CAMTA1: variants seen among roughly 807,000 people sequenced by gnomAD.
CAMTA1 encodes the protein calmodulin-binding transcription activator 1.
Under a neutral mutation model 170.9 loss-of-function variants are expected in CAMTA1, and 27 were observed. That is an observed-to-expected ratio of 0.16 (90% CI 0.12 to 0.22). CAMTA1 has a LOEUF of 0.22. Among genes scored for constraint, CAMTA1 ranks in the 10% least tolerant of loss-of-function variants. The probability of loss-of-function intolerance (pLI) is 1.00; values close to 1 mark genes in which losing one functional copy is unlikely to be tolerated. For synonymous variants in CAMTA1, 833 were observed against 891.5 expected (o/e 0.93, Z 1.17); for missense variants, 1,619 against 2,217.2 (o/e 0.73, Z 5.42).
At chr1:7,348,707 G>A (rs1488228872) in intron 5 of CAMTA1, among the ~76,000 whole-genome samples, 2 of 152,204 alleles carry the variant, frequency 1.3e-5, no homozygotes, top group Non-Finnish European at 1.5e-5. Flanking sequence ...AGCAGCCACA[G>A]GGGGTGTTCG....
intron 5 of CAMTA1, among the ~76,000 whole-genome samples, chr1:7,440,123 T>G (rs116623866): frequency 1.8e-3 from 274 of 152,364 alleles, no homozygotes; most frequent in African/African-American, 6.3e-3. Context: ...ACTGGCCCCG[T>G]GGCATAGGCG....
intron 3 of CAMTA1, among the ~76,000 whole-genome samples, chr1:6,871,140 T>C (rs1668295665): frequency 6.6e-6 from 1 of 152,230 alleles, no homozygotes; most frequent in Non-Finnish European, 1.5e-5. Context: ...CTTGTAGATA[T>C]TCCTCGTGTC....
rs150755762 is a variant in CAMTA1, at chr1:7,232,190, G to A, written c.303-17301G>A. On this transcript the variant is annotated intron_variant, in intron 4 of 22. Coordinates refer to ENST00000303635, the MANE Select transcript of CAMTA1 (RefSeq NM_015215.4). ...GGCCTGTGTGGCTGGGGGACACCAC[G>A]TGGTTGGCCAGCAGATGGAGGGACA... Among the ~76,000 whole-genome samples the A allele has an allele frequency of 3.8e-3, 580 of 152,334 alleles. 5 individuals carry two copies. Among genetic ancestry groups the A allele is most frequent in the African/African-American group, 0.013 (548 of 41,578 alleles).
chr1:6,977,319 T>G (rs1413493732), intron 3 of CAMTA1, among the ~76,000 whole-genome samples: 1 of 151,718 alleles, frequency 6.6e-6, no homozygotes, highest in Admixed American at 6.6e-5. Context: ...TGGAGCCAAG[T>G]ACTGGGCAAA....
Position 7,034,188 on chromosome 1 carries a change from C to T in CAMTA1, c.235-57116C>T, listed in dbSNP as rs373327645. ...TATTTGTTTGTTTGAGACAGAGTCT[C>T]GCTCTGTTGCCCAGGCTGGAGTGCA... On this transcript the variant is annotated intron_variant, in intron 3 of 22. Transcript: ENST00000303635. 1.4e-4 allele frequency among the ~76,000 whole-genome samples: 22 copies of T among 152,172 alleles called. 1 individual carries two copies. In the South Asian group the frequency reaches 1.9e-3, roughly 13 times the overall value.
chr1:7,489,850 C>T (rs182819763), intron 6 of CAMTA1, among the ~76,000 whole-genome samples: 98 of 152,284 alleles, frequency 6.4e-4, no homozygotes, highest in East Asian at 1.7e-3. Context: ...GGGACATGTC[C>T]GTCCCCACTC....
rs568829113 is a variant in CAMTA1 at position 7,632,053 on chromosome 1, G to A, written c.511-8347G>A. Among the ~76,000 whole-genome samples, 34 of 152,200 alleles carry A rather than the reference G, an allele frequency of 2.2e-4. No homozygotes were observed. The East Asian group carries it at 2.3e-3, about 10-fold the overall frequency. ...GCCGCCCAGTGCCGCCCTCTATCCC[G>A]TCCCTAATAAACCCTGCCCTTCTCC... On this transcript the variant is annotated intron_variant, in intron 6 of 22. Coordinates refer to ENST00000303635, the MANE Select transcript of CAMTA1 (RefSeq NM_015215.4).
intron 5 of CAMTA1, among the ~76,000 whole-genome samples, chr1:7,268,498 A>G (rs1574321584): frequency 6.6e-6 from 1 of 152,210 alleles, no homozygotes. Context: ...GTTCAAGTTC[A>G]AACTAGTCGG....
At chr1:6,938,708 A>G (rs1685888122) in intron 3 of CAMTA1, among the ~76,000 whole-genome samples, 1 of 152,200 alleles carries the variant, frequency 6.6e-6, no homozygotes, top group African/African-American at 2.4e-5. Flanking sequence ...CACAGCCTCC[A>G]GGAAGCTTGA....
At chr1:7,744,762 G>A (rs544313042) in intron 16 of CAMTA1, 73 bp from the exon 17 acceptor site, 6 of 1,339,020 alleles carry the variant, frequency 4.5e-6, no homozygotes, top group African/African-American at 1.5e-5. Flanking sequence ...TCCAAGGCGA[G>A]GCAGGGAGGT....
intron 6 of CAMTA1, among the ~76,000 whole-genome samples, chr1:7,552,066 A>G (rs927843018): frequency 9.2e-5 from 14 of 152,352 alleles, no homozygotes; most frequent in Admixed American, 4.6e-4. Flanking sequence ...TAGGTCACAC[A>G]GTGGGAGACG....
At chr1:7,418,371 G>GTATTTT (rs778755322) in intron 5 of CAMTA1, among the ~76,000 whole-genome samples, 23 of 152,130 alleles carry the variant, frequency 1.5e-4, no homozygotes, top group Non-Finnish European at 2.8e-4. Flanking sequence ...ACTAATTTTT[G>GTATTTT]TATTTTTAGT....
intron 4 of CAMTA1, among the ~76,000 whole-genome samples, chr1:7,103,495 A>G (rs1408540086): frequency 1.3e-5 from 2 of 150,364 alleles, no homozygotes; most frequent in Non-Finnish European, 3.0e-5. Context: ...ACGTACACAC[A>G]ACACAGATAC....
chr1:7,134,354 G>T (rs1407993277), intron 4 of CAMTA1, among the ~76,000 whole-genome samples: 8 of 152,118 alleles, frequency 5.3e-5, no homozygotes, highest in African/African-American at 1.9e-4. Context: ...GAGTGCAGTG[G>T]TGCAATCATG....
chr1:7,056,279 A>T (rs1321288394), intron 3 of CAMTA1, among the ~76,000 whole-genome samples: 2 of 152,084 alleles, frequency 1.3e-5, no homozygotes, highest in Non-Finnish European at 1.5e-5. Context: ...GCCTCTTTTG[A>T]TGTTTCCTTG....
In CAMTA1 at chr1:7,738,711, G is replaced by A. The variant is rs2150016100; in HGVS notation, c.4182+229G>A. ...TACCAGTGACCCCGGTCTCAGCAAA[G>A]CCTTCCCTCTTTGTACCAACTTCTC... On this transcript the variant is annotated intron_variant, in intron 16 of 22. Coordinates refer to ENST00000303635, the MANE Select transcript of CAMTA1 (RefSeq NM_015215.4). The surrounding 1 kb of genome is among the most constrained non-coding windows in gnomAD (Gnocchi z 4.9). Among the ~76,000 whole-genome samples, 1 of 152,290 alleles carries A rather than the reference G, an allele frequency of 6.6e-6. No homozygotes were observed. Among genetic ancestry groups the A allele is most frequent in the Non-Finnish European group, 1.5e-5 (1 of 68,026 alleles).
At chr1:7,591,211 G>A (rs1302467528) in intron 6 of CAMTA1, among the ~76,000 whole-genome samples, 1 of 152,222 alleles carries the variant, frequency 6.6e-6, no homozygotes, top group Non-Finnish European at 1.5e-5. Flanking sequence ...ATCCAAAGAT[G>A]ACAGGATTCA....
intron 4 of CAMTA1, among the ~76,000 whole-genome samples, chr1:7,191,662 T>C (rs1386180918): frequency 6.6e-6 from 1 of 152,212 alleles, no homozygotes; most frequent in Non-Finnish European, 1.5e-5. Context: ...TCAGGGAACA[T>C]GTAATTTTCT....
chr1:6,912,415 A>C (rs1235806301), intron 3 of CAMTA1, among the ~76,000 whole-genome samples: 2 of 152,204 alleles, frequency 1.3e-5, no homozygotes, highest in Non-Finnish European at 2.9e-5. Context: ...TGGGACACTA[A>C]TGAAATATTA....
Sources: gnomAD v4.1 joint callset for allele counts (sites outside exome capture counted in the v4.1 genomes callset) on GRCh38, gnomAD v4.1.1 for gene constraint, Gnocchi (gnomAD v3.1) non-coding constraint, MANE v1.5 for transcripts, NCBI Gene and HGNC (gene_info 2026-07-23, HGNC 2026-07-21) for gene names.